Variants in DOK6 observed in about 807,000 individuals in gnomAD.
DOK6 encodes downstream of tyrosine kinase 6.
DOK6 carries 22 observed loss-of-function variants against 44.0 expected under a neutral mutation model. That is an observed-to-expected ratio of 0.50 (90% CI 0.36 to 0.71). DOK6 has a LOEUF of 0.71. Among genes scored for constraint, DOK6 ranks in the 30% least tolerant of loss-of-function variants. The pLI is 0.00. For missense variants in DOK6, 340 were observed against 416.4 expected, an observed-to-expected ratio of 0.82 and a Z score of 1.60; for synonymous variants, 166 against 145.5, an observed-to-expected ratio of 1.14 and a Z score of -1.01.
At chr18:69,466,601 T>C (rs970424667) in intron 1 of DOK6, among the ~76,000 whole-genome samples, 4 of 152,132 alleles carry the variant, frequency 2.6e-5, no homozygotes, top group Non-Finnish European at 1.5e-5. Flanking sequence ...CTGTTAAATT[T>C]AAACTTACTA....
chr18:69,608,864 C>T (rs976233536), intron 3 of DOK6, among the ~76,000 whole-genome samples: 3 of 148,904 alleles, frequency 2.0e-5, no homozygotes, highest in African/African-American at 7.4e-5. Context: ...GCAGGTGAAT[C>T]GCTTCAACCC....
intron 7 of DOK6, among the ~76,000 whole-genome samples, chr18:69,838,025 T>G (rs1463052104): frequency 6.6e-6 from 1 of 152,202 alleles, no homozygotes; most frequent in Non-Finnish European, 1.5e-5. Context: ...AGCCTGGAAT[T>G]TTTTAATAGA....
chr18:69,434,865 T>C (rs1978905342), intron 1 of DOK6, among the ~76,000 whole-genome samples: 1 of 143,222 alleles, frequency 7.0e-6, no homozygotes, highest in Admixed American at 7.6e-5. Context: ...GAGGTTGCAA[T>C]GAGCCGTGAT....
At chr18:69,457,971 T>C (rs1406687802) in intron 1 of DOK6, among the ~76,000 whole-genome samples, 2 of 152,054 alleles carry the variant, frequency 1.3e-5, no homozygotes, top group Admixed American at 6.6e-5. Context: ...TGGTGAAAGC[T>C]GTCTCTACTA....
chr18:69,829,983 A>T (rs1046821423), intron 7 of DOK6, among the ~76,000 whole-genome samples: 5 of 152,118 alleles, frequency 3.3e-5, no homozygotes, highest in African/African-American at 1.2e-4. Context: ...ATTAAAACTA[A>T]TTTTTTTGAC....
intron 3 of DOK6, among the ~76,000 whole-genome samples, chr18:69,656,538 G>C (rs539625626): frequency 6.6e-6 from 1 of 152,234 alleles, no homozygotes; most frequent in East Asian, 1.9e-4. Flanking sequence ...TCATAGGTTT[G>C]TCACCGGCAC....
chr18:69,787,642 A>G (rs1980471011), intron 7 of DOK6, among the ~76,000 whole-genome samples: 1 of 152,134 alleles, frequency 6.6e-6, no homozygotes, highest in African/African-American at 2.4e-5. Flanking sequence ...TAGATATTCC[A>G]TTATGACCAG....
chr18:69,455,311 G>T (rs1222278293), intron 1 of DOK6, among the ~76,000 whole-genome samples: 1 of 152,088 alleles, frequency 6.6e-6, no homozygotes, highest in Non-Finnish European at 1.5e-5. Context: ...TGACACACAG[G>T]ATTGCAAAAT....
intron 3 of DOK6, among the ~76,000 whole-genome samples, chr18:69,603,661 C>T (rs1446079747): frequency 6.7e-6 from 1 of 149,800 alleles, no homozygotes; most frequent in Non-Finnish European, 1.5e-5. Context: ...GTCCCACATA[C>T]GTGAGAGGAT....
At chr18:69,815,819 A>T (rs1449707835) in intron 7 of DOK6, among the ~76,000 whole-genome samples, 2 of 152,148 alleles carry the variant, frequency 1.3e-5, no homozygotes, top group Admixed American at 1.3e-4. Context: ...ACAAACATAT[A>T]TGTGTCATTT....
chr18:69,580,951 T>C (rs1983355226), intron 2 of DOK6, among the ~76,000 whole-genome samples: 1 of 152,216 alleles, frequency 6.6e-6, no homozygotes, highest in African/African-American at 2.4e-5. Flanking sequence ...ACCTATCTTA[T>C]TTCACTTAAT....
intron 5 of DOK6, among the ~76,000 whole-genome samples, chr18:69,714,165 A>T (rs1016205998): frequency 7.2e-5 from 11 of 152,156 alleles, no homozygotes; most frequent in Non-Finnish European, 2.9e-5. Context: ...CATTGCTTCT[A>T]GTTTAGGATT....
intron 1 of DOK6, among the ~76,000 whole-genome samples, chr18:69,555,706 G>A (rs887175753): frequency 3.3e-5 from 5 of 152,066 alleles, no homozygotes; most frequent in African/African-American, 7.2e-5. Context: ...TGAATTTTCT[G>A]GTTTGTAACC....
At chr18:69,651,736 C>T (rs1414466265) in intron 3 of DOK6, among the ~76,000 whole-genome samples, 6 of 151,922 alleles carry the variant, frequency 3.9e-5, no homozygotes, top group Non-Finnish European at 8.8e-5. Context: ...TGATCTGCCT[C>T]CTCAGCCTCC....
chr18:69,632,228 T>C (rs1295299415), intron 3 of DOK6, among the ~76,000 whole-genome samples: 1 of 152,194 alleles, frequency 6.6e-6, no homozygotes, highest in African/African-American at 2.4e-5. Flanking sequence ...AAATAGACGG[T>C]AGAGCCTTTG....
chr18:69,596,850 G>A (rs571550201), intron 2 of DOK6, among the ~76,000 whole-genome samples: 1 of 152,140 alleles, frequency 6.6e-6, no homozygotes, highest in Non-Finnish European at 1.5e-5. Context: ...GTACTTTTAG[G>A]CCTATAACAT....
intron 1 of DOK6, among the ~76,000 whole-genome samples, chr18:69,507,151 T>C (rs1294023892): frequency 6.6e-6 from 1 of 151,866 alleles, no homozygotes; most frequent in East Asian, 1.9e-4. Flanking sequence ...CCTCAGCCTC[T>C]CAAGTAGCTG....
intron 7 of DOK6, chr18:69,831,203 A>C (rs1488879861): frequency 6.6e-6 from 1 of 152,210 alleles, no homozygotes; most frequent in African/African-American, 2.4e-5. Flanking sequence ...TGGAGCTCTG[A>C]TGTCTGAGGG....
At chr18:69,628,699 G>A (rs1481554579) in intron 3 of DOK6, among the ~76,000 whole-genome samples, 1 of 152,074 alleles carries the variant, frequency 6.6e-6, no homozygotes, top group African/African-American at 2.4e-5. Flanking sequence ...TTTGATTTAT[G>A]AATACCTTTG....
Sources: allele counts gnomAD v4.1 joint callset (sites outside exome capture counted in the v4.1 genomes callset), GRCh38; gene constraint gnomAD v4.1.1; transcripts MANE v1.5; gene names NCBI Gene and HGNC (gene_info 2026-07-23, HGNC 2026-07-21).